EXOC3: variants seen among roughly 807,000 people sequenced by gnomAD.
The protein encoded by EXOC3 is exocyst complex component 3, also known as SEC6-like 1.
In EXOC3, 21 loss-of-function variants were observed where a neutral mutation model predicts 73.7. The ratio of observed to expected loss-of-function variants is 0.29; its 90% CI spans 0.20 to 0.41. EXOC3 has a LOEUF of 0.41. EXOC3 is among the 10% of genes least tolerant of loss of function. EXOC3 has a pLI of 1.00. For missense variants in EXOC3, 842 were observed against 985.1 expected, an observed-to-expected ratio of 0.85 and a Z score of 1.95; for synonymous variants, 410 against 389.1, an observed-to-expected ratio of 1.05 and a Z score of -0.63.
intron 4 of EXOC3, 139 bp downstream of exon 4, chr5:454,190 C>T: frequency 3.0e-6 from 2 of 677,454 alleles, no homozygotes; most frequent in South Asian, 3.9e-5. Flanking sequence ...GTTTCCAGCC[C>T]AGGGGTGTCT....
In EXOC3 at chr5:459,341, A is replaced by G; in HGVS notation, c.1291-18A>G. 7.1e-7 allele frequency: 1 copy of G among 1,410,494 alleles called. No individual in the cohort carries two copies. The allele number at this position is 1,410,494 out of a possible 1,614,324, so 87.4% of individuals were successfully genotyped here. ...CCTGTAAGATTATACCAGAATTCAT[A>G]AGTTCTCTGATTTTTAGATGTTTGA... On this transcript the variant is annotated intron_variant, in intron 6 of 12. Coordinates refer to ENST00000512944, the MANE Select transcript of EXOC3 (RefSeq NM_007277.5).
At chr5:449,896 G>A (rs1321922873) in intron 3 of EXOC3, among the ~76,000 whole-genome samples, 1 of 152,214 alleles carries the variant, frequency 6.6e-6, no homozygotes, top group Non-Finnish European at 1.5e-5. Flanking sequence ...TTTCCACCAT[G>A]AGTGTGTGAG....
chr5:445,639 C>T (rs963503699), intron 1 of EXOC3, among the ~76,000 whole-genome samples: 2 of 152,210 alleles, frequency 1.3e-5, no homozygotes, highest in African/African-American at 4.8e-5. Flanking sequence ...CAGGCGTGAG[C>T]CACCGGGCCT....
At chr5:462,512 A>G in intron 9 of EXOC3, 1 of 578,052 alleles carries the variant, frequency 1.7e-6, no homozygotes, top group South Asian at 2.1e-5. Flanking sequence ...CTTACGCACA[A>G]TTCAGTAGAT....
At chr5:455,578 C>T (rs1579738876) in intron 4 of EXOC3, among the ~76,000 whole-genome samples, 1 of 150,688 alleles carries the variant, frequency 6.6e-6, no homozygotes, top group Admixed American at 6.6e-5. Flanking sequence ...ACTCTGAGAA[C>T]GTATTTACGG....
chr5:462,348 G>A (rs1473276587), intron 9 of EXOC3, 41 bp downstream of exon 9: 1 of 1,611,160 alleles, frequency 6.2e-7, no homozygotes, highest in Non-Finnish European at 8.5e-7. Flanking sequence ...CTGGGCCGAA[G>A]CCCAGTGCTT....
intron 1 of EXOC3, among the ~76,000 whole-genome samples, chr5:445,451 G>A (rs919342297): frequency 3.3e-5 from 5 of 150,518 alleles, no homozygotes; most frequent in African/African-American, 9.8e-5. Context: ...CGGGGTTCAC[G>A]CCAGTCTCCT....
chr5:462,018 C>T lies in EXOC3; in HGVS notation c.1450C>T (p.His484Tyr), dbSNP rs1242837789. 1 of 1,608,070 alleles carries T rather than the reference C, an allele frequency of 6.2e-7. No homozygotes were observed. Among genetic ancestry groups the T allele is most frequent in the Non-Finnish European group, 8.5e-7 (1 of 1,177,096 alleles). ...GCACCTGAGGAATCGGCAGCACCCT[C>T]ACTGCTACGTTCAGTACATGATCGC... ...EEHLRNRQHPHCYVQYMIAII... is the reference protein window; with the variant it reads ...EEHLRNRQHPYCYVQYMIAII... Residue 484 changes from histidine to tyrosine, a missense_variant, in exon 8 of 13, where the codon CAC (histidine) becomes TAC (tyrosine). Physicochemically the swap from His to Tyr is moderately conservative, Grantham distance 83. Coordinates refer to ENST00000512944, the MANE Select transcript of EXOC3 (RefSeq NM_007277.5).
rs765558407 is a variant in EXOC3 at position 453,459 on chromosome 5, C to T, written c.454C>T (p.Arg152Trp). 29 of 1,612,602 alleles carry T rather than the reference C, an allele frequency of 1.8e-5. No individual in the cohort carries two copies. Among genetic ancestry groups the T allele is most frequent in the African/African-American group, 1.3e-4 (10 of 74,906 alleles). Residue 152 changes from arginine (R) to tryptophan (W), a missense_variant, in exon 4 of 13, where the codon CGG (arginine) becomes TGG (tryptophan). Physicochemically the swap from Arg to Trp is moderately radical, Grantham distance 101 (BLOSUM62 -3). Transcript: ENST00000512944. ...GAAGCTGATGGACCTGGAGTGCTCC[C>T]GGGACGGGCTGATGTACGAGCAGTA... ...HRKLMDLECS[R>W]DGLMYEQYRM...
intron 12 of EXOC3, 181 bp downstream of exon 12, chr5:466,026 TC>T (rs1738138072): frequency 1.9e-5 from 10 of 525,140 alleles, no homozygotes; most frequent in Non-Finnish European, 3.2e-5. Flanking sequence ...TGTGCTGCCT[TC>T]CACCTGGCCT....
Position 466,951 on chromosome 5 carries a change from G to C in EXOC3, c.*53G>C. The C allele has an allele frequency of 6.6e-7, 1 of 1,505,042 alleles. No homozygotes were observed. Among genetic ancestry groups the C allele is most frequent in the South Asian group, 1.2e-5 (1 of 80,962 alleles). The allele number at this position is 1,505,042 out of a possible 1,614,324, so 93.2% of individuals were successfully genotyped here. On this transcript the variant is annotated 3_prime_UTR_variant, in exon 13 of 13. Coordinates refer to ENST00000512944, the MANE Select transcript of EXOC3 (RefSeq NM_007277.5). ...TCCACAGCCTCGGTCCCTGCCTTTA[G>C]AAACGCGGGACAGCTGATTGCTCTC...
rs1737847016 is a variant in EXOC3 at position 457,290 on chromosome 5, G to A, written c.1164+284G>A. The A allele has an allele frequency of 6.9e-6, 3 of 432,806 alleles. No individual in the cohort carries two copies. In the South Asian group the frequency reaches 7.7e-5, roughly 11 times the overall value. The allele number at this position is 432,806 out of a possible 1,614,324, so 26.8% of individuals were successfully genotyped here. ...AGGGCCCAGAACGTCTGAACCGTGTGTGGCAGCACCTGCCAGGCTCTCGGC... is the reference window on the plus strand; with the variant it reads ...AGGGCCCAGAACGTCTGAACCGTGTATGGCAGCACCTGCCAGGCTCTCGGC... On this transcript the variant is annotated intron_variant, in intron 5 of 12. Transcript: ENST00000512944.
rs865967090 is a variant in EXOC3 at position 443,464 on chromosome 5, T to A, written c.-57+174T>A. On this transcript the variant is annotated intron_variant, in intron 1 of 12. Coordinates refer to ENST00000512944, the MANE Select transcript of EXOC3 (RefSeq NM_007277.5). ...CCGTGGAGTATCCCGCTCGTGCGAG[T>A]GTCCTCGGCGCAGGTGTCCTCCCCG... 2.6e-5 allele frequency among the ~76,000 whole-genome samples: 4 copies of A among 152,246 alleles called. No individual in the cohort carries two copies. The South Asian group carries it at 6.2e-4, about 24-fold the overall frequency.
At position 443,239 on chromosome 5, in the gene EXOC3, GGCGGCGGCGGCGGCGGC is replaced by G. The variant is rs1737386953; in HGVS notation, c.-106_-90del. ...CGGAGGGGGCGGCGGGGGCGGCGGCGGCGGCGGCGGCGGCGGCGGCGGCGGCGGCGGCGGCGGCGTAG... is the reference window on the plus strand; with the variant it reads ...CGGAGGGGGCGGCGGGGGCGGCGGCGGGCGGCGGCGGCGGCGGCGGCGTAG... On this transcript the variant is annotated 5_prime_UTR_variant, in exon 1 of 13. Coordinates refer to ENST00000512944, the MANE Select transcript of EXOC3 (RefSeq NM_007277.5). The G allele has an allele frequency of 5.1e-4, 3 of 5,888 alleles. No individual in the cohort carries two copies. The highest frequency in any genetic ancestry group is 1.1e-3 in the African/African-American group (1 of 872). 0.4% of individuals were successfully genotyped at this position (5,888 alleles called of 1,614,324 possible). A position where few individuals can be genotyped will look rare whatever the true frequency, so the allele number is the denominator to read the frequency against.
intron 3 of EXOC3, among the ~76,000 whole-genome samples, chr5:448,973 G>A (rs1470674370): frequency 2.0e-5 from 3 of 152,202 alleles, no homozygotes; most frequent in African/African-American, 7.2e-5. Context: ...TCCTCTCGAC[G>A]GAGTCTCCTT....
chr5:453,624 A>G lies in EXOC3; in HGVS notation c.619A>G (p.Thr207Ala). The G allele has an allele frequency of 1.2e-6, 2 of 1,613,854 alleles. No individual in the cohort carries two copies. The highest frequency in any genetic ancestry group is 8.5e-7 in the Non-Finnish European group (1 of 1,179,862). The change falls in exon 4 of 13, where the codon ACC becomes GCC. Residue 207 changes from threonine (T) to alanine (A), a missense_variant. Transcript: ENST00000512944. ...ACTGGTCACTGTCCGCCGTGACCCC[A>G]CCTTGCTGGTCTCAGTTGTCAGGAT... The part of the protein sequence containing the change: ...RSLVTVRRDP[T>A]LLVSVVRIIE...
intron 6 of EXOC3, among the ~76,000 whole-genome samples, chr5:458,585 G>C (rs1737890944): frequency 6.6e-6 from 1 of 152,198 alleles, no homozygotes; most frequent in Non-Finnish European, 1.5e-5. Context: ...TTTTACCACG[G>C]ATTCACTTTC....
At chr5:464,227 C>G in intron 9 of EXOC3, 63 bp from the exon 10 acceptor site, 1 of 1,559,986 alleles carries the variant, frequency 6.4e-7, no homozygotes, top group Non-Finnish European at 8.7e-7. Context: ...CTCCCTCCCA[C>G]ATGCACTCGG....
intron 3 of EXOC3, 27 bp downstream of exon 3, chr5:447,779 C>T (rs778316441): frequency 5.4e-6 from 8 of 1,470,918 alleles, no homozygotes; most frequent in South Asian, 4.0e-5. Flanking sequence ...GAGGCACTTG[C>T]CCCCACTCAC....
Sources: allele counts gnomAD v4.1 joint callset (sites outside exome capture counted in the v4.1 genomes callset), GRCh38; gene constraint gnomAD v4.1.1; transcripts MANE v1.5; gene names NCBI Gene and HGNC (gene_info 2026-07-23, HGNC 2026-07-21).